PRKN: variants seen among roughly 807,000 people sequenced by gnomAD.
PRKN encodes the protein E3 ubiquitin-protein ligase parkin.
Under a neutral mutation model 59.5 loss-of-function variants are expected in PRKN, and 56 were observed. That is an observed-to-expected ratio of 0.94 (90% confidence interval 0.76 to 1.18). The LOEUF is 1.18. Among genes scored for constraint, PRKN ranks in the 50% most tolerant of loss-of-function variants. The probability of loss-of-function intolerance (pLI) is 0.00; values close to 1 mark genes in which losing one functional copy is unlikely to be tolerated. For synonymous variants in PRKN, 250 were observed against 222.1 expected (o/e 1.13, Z -1.12); for missense variants, 657 against 596.4 (o/e 1.10, Z -1.06).
At chr6:162,072,216 A>C (rs1312724279) in intron 4 of PRKN, among the ~76,000 whole-genome samples, 1 of 152,070 alleles carries the variant, frequency 6.6e-6, no homozygotes, top group Non-Finnish European at 1.5e-5. Flanking sequence ...TGAACCAGGG[A>C]GGCAGAGGTT....
intron 1 of PRKN, among the ~76,000 whole-genome samples, chr6:162,501,514 A>T (rs112395518): frequency 0.15 from 20,615 of 141,640 alleles, 1,671 homozygotes; most frequent in Non-Finnish European, 0.18. Flanking sequence ...CGCCTGGTTA[A>T]TTTTTTTTTT....
At chr6:161,885,581 C>T (rs1030288312) in intron 6 of PRKN, among the ~76,000 whole-genome samples, 77 of 150,824 alleles carry the variant, frequency 5.1e-4, no homozygotes, top group African/African-American at 1.8e-3. Flanking sequence ...AGGAGAATGG[C>T]GTGAACCCGG....
rs1324282765 is a variant in PRKN, at chr6:161,399,885, A to C, written c.1084-13008T>G. ...CTATATGAAAAGAGGAAAAAGAAAC[A>C]AGTAAAATTAATTTCAATATTTTAC... On this transcript the variant is annotated intron_variant, in intron 9 of 11. Coordinates refer to ENST00000366898, the MANE Select transcript of PRKN (RefSeq NM_004562.3). This position sits in a 1 kb window ranked among gnomAD's most constrained non-coding sequence, Gnocchi z 4.4. Among the ~76,000 whole-genome samples, 6 of 152,220 alleles carry C rather than the reference A, an allele frequency of 3.9e-5. No individual in the cohort carries two copies. Among genetic ancestry groups the C allele is most frequent in the Non-Finnish European group, 1.5e-5 (1 of 68,048 alleles).
At chr6:162,325,122 T>C (rs969517416) in intron 2 of PRKN, among the ~76,000 whole-genome samples, 1 of 89,796 alleles carries the variant, frequency 1.1e-5, no homozygotes, top group African/African-American at 3.7e-5. Flanking sequence ...AGGAAATGTT[T>C]TCAACAACTT....
In PRKN at chr6:161,369,993, C is replaced by G. The variant is rs1474691557; in HGVS notation, c.1168-9788G>C. The G allele has an allele frequency of 1.6e-5, 7 of 443,842 alleles. No individual in the cohort carries two copies. The East Asian group carries it at 4.9e-4, about 31-fold the overall frequency. 27.5% of individuals were successfully genotyped at this position (443,842 alleles called of 1,614,324 possible). A position where few individuals can be genotyped will look rare whatever the true frequency, so the allele number is the denominator to read the frequency against. On this transcript the variant is annotated intron_variant, in intron 10 of 11. Coordinates refer to ENST00000366898, the MANE Select transcript of PRKN (RefSeq NM_004562.3). The surrounding 1 kb of genome is among the most constrained non-coding windows in gnomAD (Gnocchi z 5.8). ...AGCCAGGTGCACCCTGAATGCTAAC[C>G]GTGTGTTTTCTATGATCACCACCAT...
At chr6:162,594,635 G>T (rs1583872698) in intron 1 of PRKN, among the ~76,000 whole-genome samples, 1 of 152,194 alleles carries the variant, frequency 6.6e-6, no homozygotes, top group East Asian at 1.9e-4. Flanking sequence ...CCACTTAGAG[G>T]AATTTAGTAT....
At chr6:162,319,796 C>A (rs947657662) in intron 2 of PRKN, among the ~76,000 whole-genome samples, 1 of 151,898 alleles carries the variant, frequency 6.6e-6, no homozygotes, top group African/African-American at 2.4e-5. Flanking sequence ...ATAATACATA[C>A]ACAAATACAC....
At chr6:161,607,487 T>G (rs561971553) in intron 7 of PRKN, among the ~76,000 whole-genome samples, 1 of 152,044 alleles carries the variant, frequency 6.6e-6, no homozygotes, top group Non-Finnish European at 1.5e-5. Context: ...AAGATAATGG[T>G]ATAAAGAAAA....
In PRKN at chr6:162,265,415, G is replaced by A. The variant is rs144716972; in HGVS notation, c.172-2650C>T. ...TCCATCAAAAGAACATCCCTGCCAG[G>A]CACAGTAGCTCACCCCTATAATCCA... On this transcript the variant is annotated intron_variant, in intron 2 of 11. Transcript: ENST00000366898. Among the ~76,000 whole-genome samples, 436 of 152,254 alleles carry A rather than the reference G, an allele frequency of 2.9e-3. 2 individuals are homozygous for A. The highest frequency in any genetic ancestry group is 0.017 in the Middle Eastern group (5 of 294).
Position 161,518,696 on chromosome 6 carries a change from C to G in PRKN, c.1083+30158G>C, listed in dbSNP as rs1273069571. 6.6e-6 allele frequency among the ~76,000 whole-genome samples: 1 copy of G among 152,244 alleles called. No homozygotes were observed. Among genetic ancestry groups the G allele is most frequent in the Non-Finnish European group, 1.5e-5 (1 of 68,042 alleles). On this transcript the variant is annotated intron_variant, in intron 9 of 11. Coordinates refer to ENST00000366898, the MANE Select transcript of PRKN (RefSeq NM_004562.3). This position sits in a 1 kb window ranked among gnomAD's most constrained non-coding sequence, Gnocchi z 5.0. ...ACGGCTCCTGTCCAGGGGCCCATTGCAAGTTTCCACACATCCTCCTGCCTG... is the reference window on the plus strand; with the variant it reads ...ACGGCTCCTGTCCAGGGGCCCATTGGAAGTTTCCACACATCCTCCTGCCTG...
At chr6:162,357,892 T>A (rs1784943744) in intron 2 of PRKN, among the ~76,000 whole-genome samples, 1 of 152,172 alleles carries the variant, frequency 6.6e-6, no homozygotes, top group South Asian at 2.1e-4. Context: ...GATCAGTGAT[T>A]GCCACAGGTT....
intron 7 of PRKN, among the ~76,000 whole-genome samples, chr6:161,595,797 G>A (rs1781892694): frequency 6.6e-6 from 1 of 152,108 alleles, no homozygotes; most frequent in South Asian, 2.1e-4. Flanking sequence ...ATGGCAATTT[G>A]ATTGCTTATC....
At chr6:162,692,577 C>CCT (rs964720747) in intron 1 of PRKN, among the ~76,000 whole-genome samples, 2 of 151,578 alleles carry the variant, frequency 1.3e-5, no homozygotes, top group Admixed American at 6.6e-5. Context: ...CAGACCCCCC[C>CCT]CAACAAAATC....
chr6:162,724,932 T>C (rs1057336738), intron 1 of PRKN, among the ~76,000 whole-genome samples: 10 of 152,360 alleles, frequency 6.6e-5, no homozygotes, highest in Non-Finnish European at 1.2e-4. Flanking sequence ...CAGGCAAACC[T>C]AGAAAACGAA....
intron 7 of PRKN, among the ~76,000 whole-genome samples, chr6:161,613,944 G>T (rs1334649777): frequency 6.6e-6 from 1 of 152,158 alleles, no homozygotes; most frequent in Non-Finnish European, 1.5e-5. Context: ...TGCTCTGTGG[G>T]GCTCTGGAGA....
chr6:161,704,952 A>T (rs1786418968), intron 7 of PRKN, among the ~76,000 whole-genome samples: 1 of 152,202 alleles, frequency 6.6e-6, no homozygotes, highest in Non-Finnish European at 1.5e-5. Context: ...ATTGGGCTCC[A>T]TCCCAAATAT....
intron 1 of PRKN, among the ~76,000 whole-genome samples, chr6:162,582,378 T>G (rs1458535208): frequency 6.6e-6 from 1 of 152,236 alleles, no homozygotes; most frequent in Non-Finnish European, 1.5e-5. Context: ...TGAATAAATG[T>G]TCTGTATCAT....
chr6:161,910,546 C>T (rs1252759003), intron 6 of PRKN, among the ~76,000 whole-genome samples: 6 of 152,044 alleles, frequency 3.9e-5, no homozygotes, highest in African/African-American at 1.4e-4. Context: ...TGAGCCACTG[C>T]GCCCGGCTGA....
intron 3 of PRKN, among the ~76,000 whole-genome samples, chr6:162,211,875 T>C (rs929976748): frequency 6.6e-6 from 1 of 152,176 alleles, no homozygotes; most frequent in Non-Finnish European, 1.5e-5. Flanking sequence ...ATAAAATCTC[T>C]ACTACCTCTT....
Sources: allele counts gnomAD v4.1 joint callset (sites outside exome capture counted in the v4.1 genomes callset), GRCh38; gene constraint gnomAD v4.1.1; non-coding constraint Gnocchi (gnomAD v3.1); transcripts MANE v1.5; gene names NCBI Gene and HGNC (gene_info 2026-07-23, HGNC 2026-07-21).